PRKAR1B: variants seen among roughly 807,000 people sequenced by gnomAD.
PRKAR1B encodes the protein cAMP-dependent protein kinase type I-beta regulatory subunit.
PRKAR1B carries 22 observed loss-of-function variants against 46.5 expected under a neutral mutation model. The observed-to-expected ratio is 0.47, with a 90% CI of 0.34 to 0.68. PRKAR1B has a LOEUF of 0.68. Ranked by LOEUF, PRKAR1B falls within the 30% of genes least tolerant of loss-of-function variation. The probability of loss-of-function intolerance (pLI) is 0.01; values close to 1 mark genes in which losing one functional copy is unlikely to be tolerated. For missense variants in PRKAR1B, 445 were observed against 535.6 expected, an observed-to-expected ratio of 0.83 and a Z score of 1.67; for synonymous variants, 259 against 217.7, an observed-to-expected ratio of 1.19 and a Z score of -1.67.
intron 4 of PRKAR1B, among the ~76,000 whole-genome samples, chr7:620,258 TCACGTTGAGTCATTC>T (rs1783042235): frequency 6.6e-6 from 1 of 152,238 alleles, no homozygotes; most frequent in South Asian, 2.1e-4. Flanking sequence ...AATGACATCA[TCACGTTGAGTCATTC>T]CACCCAAGAA....
At chr7:665,561 TCTC>T (rs1785864124) in intron 4 of PRKAR1B, among the ~76,000 whole-genome samples, 2 of 152,126 alleles carry the variant, frequency 1.3e-5, no homozygotes, top group African/African-American at 4.8e-5. Context: ...AACCTCAAGG[TCTC>T]CTCTGCTGAG....
intron 9 of PRKAR1B, among the ~76,000 whole-genome samples, chr7:566,500 TTCATCACCATCATGA>T (rs1257832461): frequency 4.5e-5 from 2 of 44,238 alleles, no homozygotes; most frequent in Non-Finnish European, 1.0e-4. Flanking sequence ...TATCATCACC[TTCATCACCATCATGA>T]TCATCACCAT....
chr7:679,754 C>T (rs897433130), intron 3 of PRKAR1B, among the ~76,000 whole-genome samples: 1 of 152,122 alleles, frequency 6.6e-6, no homozygotes, highest in Non-Finnish European at 1.5e-5. Context: ...CATATGGAAG[C>T]CCTAACCAGC....
intron 4 of PRKAR1B, among the ~76,000 whole-genome samples, chr7:638,403 C>G (rs1170750103): frequency 1.3e-5 from 2 of 152,130 alleles, no homozygotes; most frequent in Non-Finnish European, 2.9e-5. Context: ...ACAGATCGTC[C>G]CCCGGGGGCC....
intron 4 of PRKAR1B, among the ~76,000 whole-genome samples, chr7:622,525 T>TAATGTTATTAGCATTAAAGA (rs1783165600): frequency 6.6e-6 from 1 of 152,232 alleles, no homozygotes; most frequent in East Asian, 1.9e-4. Context: ...TTATTAGCAC[T>TAATGTTATTAGCATTAAAGA]TCCAACATGT....
chr7:669,499 C>T (rs1276785222), intron 4 of PRKAR1B, among the ~76,000 whole-genome samples: 1 of 152,120 alleles, frequency 6.6e-6, no homozygotes, highest in Non-Finnish European at 1.5e-5. Flanking sequence ...TGCAGTGGCT[C>T]ACACCTGTAA....
intron 7 of PRKAR1B, among the ~76,000 whole-genome samples, chr7:591,506 C>T (rs1780977350): frequency 6.6e-6 from 1 of 152,224 alleles, no homozygotes; most frequent in Non-Finnish European, 1.5e-5. Context: ...GGCCTCAGCT[C>T]TGCCCCATCT....
intron 4 of PRKAR1B, among the ~76,000 whole-genome samples, chr7:619,225 G>A (rs1474622304): frequency 6.6e-6 from 1 of 152,194 alleles, no homozygotes; most frequent in African/African-American, 2.4e-5. Flanking sequence ...AAGCCAAGGA[G>A]AGGCCAGGCC....
chr7:674,949 C>T (rs1276653362), intron 4 of PRKAR1B, among the ~76,000 whole-genome samples: 1 of 152,178 alleles, frequency 6.6e-6, no homozygotes, highest in African/African-American at 2.4e-5. Context: ...CTGCACAGCC[C>T]CTGCCACCCT....
At chr7:656,832 C>T (rs1785223848) in intron 4 of PRKAR1B, among the ~76,000 whole-genome samples, 1 of 150,962 alleles carries the variant, frequency 6.6e-6, no homozygotes, top group Non-Finnish European at 1.5e-5. Context: ...TGAGTGGATG[C>T]ATGAGTCAAT....
At chr7:618,448 C>G (rs762122844) in intron 4 of PRKAR1B, among the ~76,000 whole-genome samples, 7 of 152,188 alleles carry the variant, frequency 4.6e-5, no homozygotes, top group Non-Finnish European at 7.3e-5. Context: ...GGTCTCCCCT[C>G]TCGTTTGTAT....
chr7:694,012 T>C (rs568496882), intron 2 of PRKAR1B, among the ~76,000 whole-genome samples: 35 of 152,224 alleles, frequency 2.3e-4, no homozygotes, highest in South Asian at 2.1e-4. Context: ...CGGCCGGGCG[T>C]GGTGGCTCAC....
At chr7:635,941 C>T (rs1281469365) in intron 4 of PRKAR1B, among the ~76,000 whole-genome samples, 1 of 139,640 alleles carries the variant, frequency 7.2e-6, no homozygotes, top group East Asian at 2.1e-4. Context: ...ACCGCGCCCA[C>T]ACATCCTCCA....
chr7:636,007 C>T (rs1378376320), intron 4 of PRKAR1B, among the ~76,000 whole-genome samples: 6 of 81,304 alleles, frequency 7.4e-5, no homozygotes, highest in African/African-American at 2.4e-4. Flanking sequence ...CCACCGGCCG[C>T]GCCCTCACGT....
At chr7:613,622 G>A (rs974391322) in intron 4 of PRKAR1B, among the ~76,000 whole-genome samples, 4 of 152,176 alleles carry the variant, frequency 2.6e-5, no homozygotes, top group South Asian at 2.1e-4. Context: ...CCATCGTTCC[G>A]CACTGTGAAT....
chr7:594,962 G>T (rs985459314), intron 7 of PRKAR1B, among the ~76,000 whole-genome samples: 1 of 152,216 alleles, frequency 6.6e-6, no homozygotes, highest in Non-Finnish European at 1.5e-5. Flanking sequence ...ATGAATGGCC[G>T]CACGGGGTGC....
At chr7:720,326 G>C (rs1045694730) in intron 1 of PRKAR1B, among the ~76,000 whole-genome samples, 2 of 152,242 alleles carry the variant, frequency 1.3e-5, no homozygotes, top group Admixed American at 1.3e-4. Context: ...CCAAAGTGCT[G>C]GGATAACAGG....
chr7:644,475 A>G lies in PRKAR1B; in HGVS notation c.440+32754T>C, dbSNP rs1448305252. On this transcript the variant is annotated intron_variant, in intron 4 of 10. Transcript: ENST00000537384. The surrounding 1 kb of genome is among the most constrained non-coding windows in gnomAD (Gnocchi z 4.9). The stretch of plus-strand genomic sequence containing the variant: ...CCTGCAGGCTCTTGCATCAGGAGGG[A>G]AGCCCCACTCGGACGCCATCCCGGG... Among the ~76,000 whole-genome samples the G allele has an allele frequency of 6.6e-6, 1 of 152,046 alleles. No individual in the cohort carries two copies. Among genetic ancestry groups the G allele is most frequent in the Non-Finnish European group, 1.5e-5 (1 of 67,998 alleles).
At chr7:720,782 T>C (rs985185022) in intron 1 of PRKAR1B, among the ~76,000 whole-genome samples, 1 of 152,264 alleles carries the variant, frequency 6.6e-6, no homozygotes, top group Non-Finnish European at 1.5e-5. Flanking sequence ...TTAAAATTTA[T>C]GTTTACATGA....
Sources: gnomAD v4.1 joint callset for allele counts (sites outside exome capture counted in the v4.1 genomes callset) on GRCh38, gnomAD v4.1.1 for gene constraint, Gnocchi (gnomAD v3.1) non-coding constraint, MANE v1.5 for transcripts, NCBI Gene and HGNC (gene_info 2026-07-23, HGNC 2026-07-21) for gene names.